The following PMP22 variants were observed in gnomAD, a reference collection of about 807,000 sequenced individuals.
PMP22 encodes peripheral myelin protein 22.
PMP22 carries 2 observed loss-of-function variants against 18.9 expected under a neutral mutation model. The observed-to-expected ratio is 0.11, with a 90% confidence interval of 0.04 to 0.33. PMP22 has a LOEUF of 0.33. Among genes scored for constraint, PMP22 ranks in the 10% least tolerant of loss-of-function variants. The probability of loss-of-function intolerance (pLI) is 1.00; values close to 1 mark genes in which losing one functional copy is unlikely to be tolerated. For synonymous variants in PMP22, 95 were observed against 89.2 expected (o/e 1.07, Z -0.37); for missense variants, 169 against 202.2 (o/e 0.84, Z 1.00).
intron 1 of PMP22, among the ~76,000 whole-genome samples, chr17:15,262,804 C>T (rs945948871): frequency 1.3e-5 from 2 of 152,242 alleles, no homozygotes; most frequent in African/African-American, 2.4e-5. Context: ...CACCTCCCTT[C>T]TCCCCTGGCC....
In PMP22 at chr17:15,258,668, G is replaced by T; in HGVS notation, c.178+426C>A. 3 of 297,426 alleles carry T rather than the reference G, an allele frequency of 1.0e-5. No homozygotes were observed. Among genetic ancestry groups the T allele is most frequent in the South Asian group, 7.0e-5 (2 of 28,668 alleles). The allele number at this position is 297,426 out of a possible 1,614,324, so 18.4% of individuals were successfully genotyped here. On this transcript the variant is annotated intron_variant, in intron 3 of 4. Coordinates refer to ENST00000312280, the MANE Select transcript of PMP22 (RefSeq NM_000304.4). The surrounding 1 kb of genome is among the most constrained non-coding windows in gnomAD (Gnocchi z 4.1). ...ATGTAACTGACGGTGCAGTGAGCTA[G>T]CCCCACTGTCACTGCAGCAGAAAGG... is the stretch of plus-strand genomic sequence containing the variant.
chr17:15,231,135 C>G (rs1906308678), intron 4 of PMP22, 55 bp from the exon 5 acceptor site: 1 of 1,558,876 alleles, frequency 6.4e-7, no homozygotes. Context: ...AGAGCGGCCC[C>G]CTCTCCGCCA....
chr17:15,239,512 C>T lies in PMP22; in HGVS notation c.278G>A (p.Gly93Glu). The T allele has an allele frequency of 1.2e-6, 2 of 1,614,150 alleles. No individual in the cohort carries two copies. Among genetic ancestry groups the T allele is most frequent in the Non-Finnish European group, 1.7e-6 (2 of 1,179,998 alleles). ...GATTCCAGTGATGTAAAACCTGCCC[C>T]CCTTGGTGAGGGTGAAGAGTTGGCA... ...FFCQLFTLTK[G>E]GRFYITGIFQ... The change falls in exon 4 of 5, where the codon GGG becomes GAG. Residue 93 changes from glycine to glutamate, a missense_variant. Transcript: ENST00000312280.
At chr17:15,259,046 G>A (rs1221018582) in intron 3 of PMP22, 48 bp downstream of exon 3, 2 of 1,339,520 alleles carry the variant, frequency 1.5e-6, no homozygotes, top group Non-Finnish European at 1.1e-6. Context: ...TGAGAAACGT[G>A]TTACAGGCGT....
chr17:15,253,493 T>A (rs1327185259), intron 3 of PMP22, among the ~76,000 whole-genome samples: 1 of 152,210 alleles, frequency 6.6e-6, no homozygotes, highest in African/African-American at 2.4e-5. Context: ...TAGAGGCTTC[T>A]GGACTGTCAC....
chr17:15,231,110 C>T lies in PMP22; in HGVS notation c.320-30G>A, dbSNP rs147014916. ...GGAAGGAGAGGGACAAGCTGGGTGACGGAGAGTCCATGGCAGAGCGGCCCC... is the reference window on the plus strand; with the variant it reads ...GGAAGGAGAGGGACAAGCTGGGTGATGGAGAGTCCATGGCAGAGCGGCCCC... On this transcript the variant is annotated intron_variant, in intron 4 of 4. Transcript: ENST00000312280. 2,182 of 1,611,904 alleles carry T rather than the reference C, an allele frequency of 1.4e-3. 18 individuals carry two copies. The African/African-American group carries it at 0.023, about 17-fold the overall frequency.
At position 15,231,055 on chromosome 17, in the gene PMP22, G is replaced by A. The variant is rs1475677234; in HGVS notation, c.345C>T (p.Ala115=). ...LAGLCVMSAA[A]IYTVRHPEWH... ...ACTCCGGGTGCCTCACCGTGTAGAT[G>A]GCCGCAGCACTCATCACGCACAGAC... Residue 115 remains alanine, a synonymous_variant, in exon 5 of 5, where the codon GCC becomes GCT. Transcript: ENST00000312280. The A allele has an allele frequency of 2.5e-6, 4 of 1,613,314 alleles. No individual in the cohort carries two copies. The highest frequency in any genetic ancestry group is 3.4e-6 in the Non-Finnish European group (4 of 1,179,880).
chr17:15,237,076 T>C (rs112274658), intron 4 of PMP22, among the ~76,000 whole-genome samples: 2,435 of 152,332 alleles, frequency 0.016, 92 homozygotes, highest in African/African-American at 0.056. Flanking sequence ...GAGGACAAAG[T>C]CATGCGCTTT....
At chr17:15,260,606 G>C in intron 2 of PMP22, 44 bp downstream of exon 2, 1 of 1,494,042 alleles carries the variant, frequency 6.7e-7, no homozygotes, top group Non-Finnish European at 9.1e-7. Context: ...AACCCAGATG[G>C]GGAAGGGCGG....
intron 1 of PMP22, 24 bp from the exon 2 acceptor site, chr17:15,260,785 A>G (rs1350746677): frequency 8.3e-6 from 12 of 1,445,434 alleles, no homozygotes; most frequent in Non-Finnish European, 9.5e-6. Context: ...GCTGGGCGTG[A>G]GGCCGAACGC....
intron 4 of PMP22, among the ~76,000 whole-genome samples, chr17:15,237,143 A>G (rs1253203613): frequency 6.6e-6 from 1 of 152,190 alleles, no homozygotes; most frequent in Non-Finnish European, 1.5e-5. Flanking sequence ...TTGACTTTGG[A>G]GGAGAATGAA....
rs1478613868 is a variant in PMP22 at position 15,261,915 on chromosome 17, C to T, written c.-34-1154G>A. ...GGCCAGGGAGACAACGTTTCAATAA[C>T]CCAGTTTGGAAAGTACCCAATCCCA... is the stretch of plus-strand genomic sequence containing the variant. On this transcript the variant is annotated intron_variant, in intron 1 of 4. Coordinates refer to ENST00000312280, the MANE Select transcript of PMP22 (RefSeq NM_000304.4). The surrounding 1 kb of genome is among the most constrained non-coding windows in gnomAD (Gnocchi z 5.2). 2 of 152,242 alleles carry T rather than the reference C, an allele frequency of 1.3e-5. No individual in the cohort carries two copies. The highest frequency in any genetic ancestry group is 2.9e-5 in the Non-Finnish European group (2 of 68,060). The allele number at this position is 152,242 out of a possible 1,614,324, so 9.4% of individuals were successfully genotyped here.
chr17:15,254,518 C>T (rs1030963318), intron 3 of PMP22, among the ~76,000 whole-genome samples: 18 of 152,138 alleles, frequency 1.2e-4, no homozygotes, highest in African/African-American at 4.3e-4. Context: ...TAGAAAGTGA[C>T]AGAGGGGTTG....
chr17:15,239,780 C>T (rs1907157990), intron 3 of PMP22, among the ~76,000 whole-genome samples, 169 bp from the exon 4 acceptor site: 1 of 152,152 alleles, frequency 6.6e-6, no homozygotes, highest in African/African-American at 2.4e-5. Context: ...CTTTTGCAAT[C>T]TAAGAAGACA....
chr17:15,259,713 G>A (rs1909139601), intron 2 of PMP22, among the ~76,000 whole-genome samples: 1 of 151,706 alleles, frequency 6.6e-6, no homozygotes, highest in Admixed American at 6.6e-5. Context: ...AGGCAGAGGT[G>A]GGCGGATCAT....
rs368223794 is a variant in PMP22 at position 15,239,474 on chromosome 17, C to T, written c.316G>A (p.Ala106Thr). The part of the protein sequence containing the change: ...FYITGIFQIL[A>T]GLCVMSAAAI... ...GACTTTACCATCCACAACTTACCAG[C>T]AAGAATTTGGAAGATTCCAGTGATG... is the stretch of plus-strand genomic sequence containing the variant. The change falls in exon 4 of 5, where the codon GCT becomes ACT. Residue 106 changes from alanine to threonine, a missense_variant. Ala to Thr is a moderately conservative substitution (Grantham distance 58). Coordinates refer to ENST00000312280, the MANE Select transcript of PMP22 (RefSeq NM_000304.4). 6.2e-7 allele frequency: 1 copy of T among 1,614,080 alleles called. No individual in the cohort carries two copies. Among genetic ancestry groups the T allele is most frequent in the African/African-American group, 1.3e-5 (1 of 74,936 alleles).
intron 4 of PMP22, among the ~76,000 whole-genome samples, chr17:15,235,665 C>T (rs149122175): frequency 6.6e-6 from 1 of 152,296 alleles, no homozygotes; most frequent in Non-Finnish European, 1.5e-5. Context: ...CCTAAATGCA[C>T]ATCAGAGTCA....
intron 3 of PMP22, among the ~76,000 whole-genome samples, chr17:15,247,313 G>A (rs981030179): frequency 1.3e-5 from 2 of 152,186 alleles, no homozygotes; most frequent in African/African-American, 4.8e-5. Flanking sequence ...AGCTTGCAGT[G>A]AGCCGAGATG....
intron 3 of PMP22, among the ~76,000 whole-genome samples, chr17:15,245,750 G>C (rs1184706395): frequency 6.6e-6 from 1 of 152,076 alleles, no homozygotes; most frequent in Non-Finnish European, 1.5e-5. Context: ...GGTCACGCCT[G>C]TAATCCCAGC....
Sources: allele counts gnomAD v4.1 joint callset (sites outside exome capture counted in the v4.1 genomes callset), GRCh38; gene constraint gnomAD v4.1.1; non-coding constraint Gnocchi (gnomAD v3.1); transcripts MANE v1.5; gene names NCBI Gene and HGNC (gene_info 2026-07-23, HGNC 2026-07-21).